EMC1: variants seen among roughly 807,000 people sequenced by gnomAD.
EMC1 encodes the protein ER membrane protein complex subunit 1, also known as KIAA0090.
In EMC1, 103 loss-of-function variants were observed where a neutral mutation model predicts 128.8. The ratio of observed to expected loss-of-function variants is 0.80; its 90% CI spans 0.68 to 0.94. The LOEUF (loss-of-function observed/expected upper bound fraction) is 0.94, where lower values mean the gene tolerates loss of function less well. Ranked by LOEUF, EMC1 falls within the 40% of genes least tolerant of loss-of-function variation. EMC1 has a pLI of 0.00. For synonymous variants in EMC1, 442 were observed against 490.4 expected (o/e 0.90, Z 1.30); for missense variants, 1,083 against 1,250.6 (o/e 0.87, Z 2.02).
intron 13 of EMC1, 62 bp downstream of exon 13, chr1:19,235,068 T>C: frequency 6.3e-7 from 1 of 1,583,456 alleles, no homozygotes; most frequent in Non-Finnish European, 8.6e-7. Context: ...CAGTGTCTCT[T>C]GTGGTCATTT....
chr1:19,246,687 G>A (rs533319814), intron 1 of EMC1, among the ~76,000 whole-genome samples: 48 of 152,050 alleles, frequency 3.2e-4, no homozygotes, highest in African/African-American at 1.2e-3. Flanking sequence ...GGCTAAGGCA[G>A]GAAAATCGTT....
At chr1:19,242,167 A>T (rs1357551704) in intron 5 of EMC1, among the ~76,000 whole-genome samples, 178 bp downstream of exon 5, 1 of 151,966 alleles carries the variant, frequency 6.6e-6, no homozygotes, top group Non-Finnish European at 1.5e-5. Context: ...CTCCAGGCAT[A>T]CTCCGGAGTT....
At chr1:19,221,783 T>G (rs1278079790) in intron 20 of EMC1, 1 of 152,218 alleles carries the variant, frequency 6.6e-6, no homozygotes, top group Non-Finnish European at 1.5e-5. Flanking sequence ...GATGAGATTT[T>G]AGGGCTGGCG....
Position 19,220,750 on chromosome 1 carries a change from C to T in EMC1, c.2672+14G>A. ...TAAGGTCAGAGCCTTCAGCACTGCC[C>T]ATGAGGGTCTCACCTGCTTTGTTCT... On this transcript the variant is annotated intron_variant, in intron 21 of 22. Transcript: ENST00000477853. The T allele has an allele frequency of 3.1e-6, 5 of 1,606,730 alleles. No individual in the cohort carries two copies. Among genetic ancestry groups the T allele is most frequent in the Non-Finnish European group, 4.3e-6 (5 of 1,174,714 alleles).
rs527808847 is a variant in EMC1 at position 19,219,880 on chromosome 1, G to A, written c.2673-182C>T. On this transcript the variant is annotated intron_variant, in intron 21 of 22. Coordinates refer to ENST00000477853, the MANE Select transcript of EMC1 (RefSeq NM_015047.3). ...AATGTTAGGAAGGACTACAAGAAAGGAAGCTCTCTGGAGAGTAAGACTGAG... is the reference window on the plus strand; with the variant it reads ...AATGTTAGGAAGGACTACAAGAAAGAAAGCTCTCTGGAGAGTAAGACTGAG... 21 of 609,230 alleles carry A rather than the reference G, an allele frequency of 3.4e-5. No individual in the cohort carries two copies. The South Asian group carries it at 3.7e-4, about 11-fold the overall frequency. 37.7% of individuals were successfully genotyped at this position (609,230 alleles called of 1,614,324 possible). A position where few individuals can be genotyped will look rare whatever the true frequency, so the allele number is the denominator to read the frequency against.
Position 19,227,395 on chromosome 1 carries a change from A to G in EMC1, c.2120T>C (p.Ile707Thr). ...GCTGCGTTTCCCCTTCACCTTGACG[A>G]TCCGCTGTACTTCTGGGGGAATGGT... is the stretch of plus-strand genomic sequence containing the variant. The part of the protein sequence containing the change: ...ELTIPPEVQR[I>T]VKVKGKRSSE... The change falls in exon 18 of 23, where the codon ATC (isoleucine) becomes ACC (threonine). Residue 707 changes from isoleucine (I) to threonine (T), a missense_variant. Ile to Thr is a moderately conservative substitution (Grantham distance 89). Transcript: ENST00000477853. The G allele has an allele frequency of 6.2e-7, 1 of 1,614,210 alleles. No individual in the cohort carries two copies. Among genetic ancestry groups the G allele is most frequent in the Non-Finnish European group, 8.5e-7 (1 of 1,180,038 alleles).
intron 17 of EMC1, among the ~76,000 whole-genome samples, 183 bp downstream of exon 17, chr1:19,230,661 C>A (rs945006408): frequency 6.6e-6 from 1 of 152,122 alleles, no homozygotes; most frequent in Non-Finnish European, 1.5e-5. Context: ...CACCTAGAAC[C>A]GTATCTGCCA....
chr1:19,222,560 C>G, intron 20 of EMC1, 64 bp downstream of exon 20: 1 of 1,431,046 alleles, frequency 7.0e-7, no homozygotes. Flanking sequence ...GTGTCCCTTG[C>G]TCTGTCCTTA....
chr1:19,222,713 A>G lies in EMC1; in HGVS notation c.2498T>C (p.Val833Ala), dbSNP rs764903161. 12 of 1,614,020 alleles carry G rather than the reference A, an allele frequency of 7.4e-6. No homozygotes were observed. The African/African-American group carries it at 1.5e-4, about 20-fold the overall frequency. ...SSLDRPQLPQ[V>A]LQQSYIFPSS... ...CGGGAAGATATAGGACTGCTGGAGG[A>G]CCTGGGGCAGCTGGGGGCGGTCCAG... is the stretch of plus-strand genomic sequence containing the variant. Residue 833 changes from valine (V) to alanine (A), a missense_variant, in exon 20 of 23, where the codon GTC becomes GCC. This residue lies in a region of EMC1 where 527 missense variants were observed against 644.1 expected (regional missense o/e 0.82). Coordinates refer to ENST00000477853, the MANE Select transcript of EMC1 (RefSeq NM_015047.3).
chr1:19,238,252 G>A (rs1356596919), intron 10 of EMC1, 113 bp from the exon 11 acceptor site: 61 of 1,195,878 alleles, frequency 5.1e-5, no homozygotes, highest in Non-Finnish European at 6.8e-5. Context: ...AGGCCAGAAG[G>A]GGAAATATAT....
chr1:19,245,074 C>T (rs1251093203), intron 1 of EMC1, 44 bp from the exon 2 acceptor site: 6 of 1,606,788 alleles, frequency 3.7e-6, no homozygotes, highest in Non-Finnish European at 4.3e-6. Context: ...GCTAAAATCA[C>T]CATTCCACAA....
chr1:19,239,251 TG>T lies in EMC1; in HGVS notation c.1005del (p.Met336TrpfsTer56). On this transcript the variant is annotated frameshift_variant, in exon 9 of 23. Coordinates refer to ENST00000477853, the MANE Select transcript of EMC1 (RefSeq NM_015047.3). LOFTEE classifies it high-confidence loss of function. Reference sequence around the variant, plus strand: ...CTCACCACTTCATTCCGACAGGCCATGACTGCAGCCACCGTCTTCTCCCCAG... The same window carrying T: ...CTCACCACTTCATTCCGACAGGCCATACTGCAGCCACCGTCTTCTCCCCAG... ...ATTGEKTVAA[V>X]MACRNEVQKS... The T allele has an allele frequency of 6.2e-7, 1 of 1,614,168 alleles. No individual in the cohort carries two copies. Among genetic ancestry groups the T allele is most frequent in the Admixed American group, 1.7e-5 (1 of 60,020 alleles).
At chr1:19,243,771 C>A in intron 3 of EMC1, 64 bp from the exon 4 acceptor site, 2 of 1,555,498 alleles carry the variant, frequency 1.3e-6, no homozygotes. Context: ...TAGGGTCCCA[C>A]TGTGAGCAGT....
At chr1:19,231,171 G>C in intron 16 of EMC1, 90 bp downstream of exon 16, 4 of 1,427,700 alleles carry the variant, frequency 2.8e-6, no homozygotes, top group Non-Finnish European at 3.8e-6. Flanking sequence ...TGGGTGCAGA[G>C]AGCACTCCAT....
rs1457095570 is a variant in EMC1 at position 19,215,719 on chromosome 1, G to C, written c.*3584C>G. The C allele has an allele frequency of 6.6e-6, 1 of 152,184 alleles. No homozygotes were observed. The allele number at this position is 152,184 out of a possible 1,614,324, so 9.4% of individuals were successfully genotyped here. A position where few individuals can be genotyped will look rare whatever the true frequency, so the allele number is the denominator to read the frequency against. ...TATTTTTGAGACAGGGTCTCACTGTGTTGCCCAGACTGGAGTGCAGAGGCA... is the reference window on the plus strand; with the variant it reads ...TATTTTTGAGACAGGGTCTCACTGTCTTGCCCAGACTGGAGTGCAGAGGCA... On this transcript the variant is annotated 3_prime_UTR_variant, in exon 23 of 23. Transcript: ENST00000477853.
Position 19,219,643 on chromosome 1 carries a change from T to G in EMC1, c.2728A>C (p.Ile910Leu). ...PDVQIHAERF[I>L]NYNQTVSRMR... ...CGAGAAACTGTCTGGTTATAGTTGA[T>G]GAATCGCTCTGCGTGTATCTGTACA... Residue 910 changes from isoleucine (I) to leucine (L), a missense_variant, in exon 22 of 23, where the codon ATC (isoleucine) becomes CTC (leucine). Physicochemically the swap from Ile to Leu is conservative, Grantham distance 5. Transcript: ENST00000477853. 6.2e-7 allele frequency: 1 copy of G among 1,614,076 alleles called. No homozygotes were observed. The highest frequency in any genetic ancestry group is 8.5e-7 in the Non-Finnish European group (1 of 1,179,994).
chr1:19,241,499 C>T (rs980531051), intron 5 of EMC1, among the ~76,000 whole-genome samples: 19 of 152,022 alleles, frequency 1.2e-4, no homozygotes, highest in South Asian at 2.1e-4. Flanking sequence ...TTTCATAACC[C>T]GCCTCATAGC....
intron 18 of EMC1, among the ~76,000 whole-genome samples, chr1:19,224,388 G>GC (rs1469574478): frequency 6.6e-6 from 1 of 152,040 alleles, no homozygotes; most frequent in Non-Finnish European, 1.5e-5. Flanking sequence ...ACTTAACATG[G>GC]CCCAAGCTGA....
rs1245501291 is a variant in EMC1, at chr1:19,216,587, CAG to C, written c.*2714_*2715del. ...ATCCATTAGTTGAAAAAACAAGTAACAGAATTAAATAGCATCATCTCATTTAA... is the reference window on the plus strand; with the variant it reads ...ATCCATTAGTTGAAAAAACAAGTAACAATTAAATAGCATCATCTCATTTAA... On this transcript the variant is annotated 3_prime_UTR_variant, in exon 23 of 23. Transcript: ENST00000477853. The C allele has an allele frequency of 3.3e-5, 5 of 152,246 alleles. No homozygotes were observed. Among genetic ancestry groups the C allele is most frequent in the East Asian group, 3.9e-4 (2 of 5,184 alleles). 9.4% of individuals were successfully genotyped at this position (152,246 alleles called of 1,614,324 possible).
Sources: allele counts gnomAD v4.1 joint callset (sites outside exome capture counted in the v4.1 genomes callset), GRCh38; gene constraint gnomAD v4.1.1; regional missense constraint gnomAD v4.1.1; transcripts MANE v1.5; gene names NCBI Gene and HGNC (gene_info 2026-07-23, HGNC 2026-07-21).